The following TMEM108 variants were observed in gnomAD, a reference collection of about 807,000 sequenced individuals.
TMEM108 encodes the protein transmembrane protein 108, also known as cancer/testis antigen 124.
A neutral mutation model predicts 35.1 loss-of-function variants in TMEM108; 12 were observed. That is an observed-to-expected ratio of 0.34 (90% CI 0.22 to 0.55). The LOEUF is 0.55. Among genes scored for constraint, TMEM108 ranks in the 20% least tolerant of loss-of-function variants. The probability of loss-of-function intolerance (pLI) is 0.89; values close to 1 mark genes in which losing one functional copy is unlikely to be tolerated. For synonymous variants in TMEM108, 287 were observed against 308.6 expected (o/e 0.93, Z 0.73); for missense variants, 680 against 753.3 (o/e 0.90, Z 1.14).
chr3:133,382,474 A>G lies in TMEM108; in HGVS notation c.1450+1313A>G, dbSNP rs192305783. ...GCTGCATTGCCTGGGCCTGTCTCCC[A>G]TCTGCCCCCTCTGGGGTAGCTTCTG... On this transcript the variant is annotated intron_variant, in intron 4 of 5. Coordinates refer to ENST00000321871, the MANE Select transcript of TMEM108 (RefSeq NM_023943.4). 2.6e-3 allele frequency among the ~76,000 whole-genome samples: 402 copies of G among 152,300 alleles called. 3 individuals are homozygous for G. Among genetic ancestry groups the G allele is most frequent in the African/African-American group, 9.1e-3 (377 of 41,570 alleles).
At chr3:133,287,575 G>T (rs1947003394) in intron 3 of TMEM108, among the ~76,000 whole-genome samples, 1 of 152,080 alleles carries the variant, frequency 6.6e-6, no homozygotes, top group Non-Finnish European at 1.5e-5. Context: ...TCTCTGGGAG[G>T]TGCTAGATAG....
At chr3:133,260,344 A>G (rs1198105805) in intron 3 of TMEM108, among the ~76,000 whole-genome samples, 3 of 152,150 alleles carry the variant, frequency 2.0e-5, no homozygotes, top group Non-Finnish European at 4.4e-5. Context: ...CAGAGAATTA[A>G]TGGGGTTACT....
At chr3:133,232,872 G>A (rs1311907669) in intron 3 of TMEM108, among the ~76,000 whole-genome samples, 4 of 152,148 alleles carry the variant, frequency 2.6e-5, no homozygotes, top group Non-Finnish European at 5.9e-5. Context: ...TATGAGGGTG[G>A]TGATGAGAGC....
intron 2 of TMEM108, chr3:133,119,573 A>G (rs1027368829): frequency 6.6e-6 from 1 of 152,226 alleles, no homozygotes. Flanking sequence ...TGAATAGTGT[A>G]AATAAGTTTG....
intron 2 of TMEM108, among the ~76,000 whole-genome samples, chr3:133,178,802 G>C (rs1213780281): frequency 1.3e-5 from 2 of 152,174 alleles, no homozygotes; most frequent in Non-Finnish European, 2.9e-5. Context: ...AGCCAAAATT[G>C]ACAGATGGGA....
intron 5 of TMEM108, among the ~76,000 whole-genome samples, chr3:133,393,129 C>T (rs1450689358): frequency 6.6e-6 from 1 of 152,216 alleles, no homozygotes; most frequent in Non-Finnish European, 1.5e-5. Context: ...CTTGCCCCCA[C>T]CTTAGAGCTT....
At chr3:133,344,412 C>T (rs7613720) in intron 3 of TMEM108, among the ~76,000 whole-genome samples, 2,610 of 151,564 alleles carry the variant, frequency 0.017, 66 homozygotes, top group African/African-American at 0.058. Context: ...TATAGAAATA[C>T]TTAAGGCATA....
chr3:133,122,920 A>T (rs1372347238), intron 2 of TMEM108, among the ~76,000 whole-genome samples: 2 of 152,192 alleles, frequency 1.3e-5, no homozygotes. Flanking sequence ...TGGAAATAAA[A>T]GTTTTCCTTC....
At chr3:133,065,136 G>A (rs1340993358) in intron 2 of TMEM108, among the ~76,000 whole-genome samples, 1 of 152,150 alleles carries the variant, frequency 6.6e-6, no homozygotes, top group African/African-American at 2.4e-5. Context: ...TGTGATCCTC[G>A]AACATAGAGC....
intron 3 of TMEM108, among the ~76,000 whole-genome samples, chr3:133,258,920 G>A (rs1399137845): frequency 6.6e-6 from 1 of 152,252 alleles, no homozygotes; most frequent in East Asian, 1.9e-4. Context: ...ATGTAAGATT[G>A]AGAGAATGAT....
intron 2 of TMEM108, among the ~76,000 whole-genome samples, chr3:133,198,118 G>A (rs1312390078): frequency 6.6e-6 from 1 of 152,170 alleles, no homozygotes; most frequent in Non-Finnish European, 1.5e-5. Context: ...GTTGTCCTGA[G>A]TATTGATAAA....
At chr3:133,223,728 A>G (rs1037988375) in intron 2 of TMEM108, among the ~76,000 whole-genome samples, 1 of 152,218 alleles carries the variant, frequency 6.6e-6, no homozygotes, top group Non-Finnish European at 1.5e-5. Flanking sequence ...CACAAAATTA[A>G]TGTCAGTCAT....
intron 3 of TMEM108, among the ~76,000 whole-genome samples, chr3:133,332,082 GCACACA>G (rs66877804): frequency 0.036 from 5,445 of 150,950 alleles, 162 homozygotes; most frequent in African/African-American, 0.074. Context: ...GTGCGCACGT[GCACACA>G]CACACACACA....
At chr3:133,237,827 T>C (rs1463680483) in intron 3 of TMEM108, among the ~76,000 whole-genome samples, 1 of 152,224 alleles carries the variant, frequency 6.6e-6, no homozygotes, top group African/African-American at 2.4e-5. Context: ...AAATGCTATT[T>C]GTTAAGAGTA....
chr3:133,388,399 T>A, intron 4 of TMEM108: 1 of 985,430 alleles, frequency 1.0e-6, no homozygotes, highest in South Asian at 4.7e-5. Context: ...GGAGGCGGCC[T>A]GAATTAGCAA....
chr3:133,209,201 C>T (rs1426237773), intron 2 of TMEM108, among the ~76,000 whole-genome samples: 2 of 142,184 alleles, frequency 1.4e-5, no homozygotes, highest in African/African-American at 5.1e-5. Context: ...GCCACCACAC[C>T]TGGCTAATTT....
At position 133,226,424 on chromosome 3, in the gene TMEM108, T is replaced by C. The variant is rs189128594; in HGVS notation, c.-46-2842T>C. Among the ~76,000 whole-genome samples the C allele has an allele frequency of 1.7e-3, 264 of 152,344 alleles. 2 individuals carry two copies. Among genetic ancestry groups the C allele is most frequent in the African/African-American group, 6.2e-3 (256 of 41,574 alleles). On this transcript the variant is annotated intron_variant, in intron 2 of 5. Transcript: ENST00000321871. ...AGAAATATATTTTTGGGTAAAATAC[T>C]TTGATATTTTTCAGGGCCTGCTATC...
intron 3 of TMEM108, among the ~76,000 whole-genome samples, chr3:133,352,352 G>T (rs1321751582): frequency 2.6e-5 from 4 of 152,072 alleles, no homozygotes; most frequent in Non-Finnish European, 5.9e-5. Flanking sequence ...AATGTTGGGG[G>T]CAGTGGGTTC....
At chr3:133,077,432 G>A (rs189000705) in intron 2 of TMEM108, among the ~76,000 whole-genome samples, 2 of 152,126 alleles carry the variant, frequency 1.3e-5, no homozygotes, top group Non-Finnish European at 2.9e-5. Context: ...GGGCGTCCAG[G>A]CTACCTGGGT....
Sources: gnomAD v4.1 joint callset for allele counts (sites outside exome capture counted in the v4.1 genomes callset) on GRCh38, gnomAD v4.1.1 for gene constraint, MANE v1.5 for transcripts, NCBI Gene and HGNC (gene_info 2026-07-23, HGNC 2026-07-21) for gene names.